GTPBP1: variants seen among roughly 807,000 people sequenced by gnomAD.
GTPBP1 encodes the protein GTP-binding protein 1.
GTPBP1 carries 23 observed loss-of-function variants against 62.0 expected under a neutral mutation model. The ratio of observed to expected loss-of-function variants is 0.37; its 90% CI spans 0.27 to 0.53. The LOEUF is 0.53. GTPBP1 is among the 20% of genes least tolerant of loss of function. The pLI, the probability that GTPBP1 is intolerant of heterozygous loss-of-function variation, is 0.89. For missense variants in GTPBP1, 640 were observed against 917.3 expected, an observed-to-expected ratio of 0.70 and a Z score of 3.90; for synonymous variants, 344 against 364.4, an observed-to-expected ratio of 0.94 and a Z score of 0.64.
downstream of GTPBP1, chr22:38,738,364 A>G (rs1024157216): frequency 5.1e-6 from 6 of 1,184,480 alleles, no homozygotes; most frequent in African/African-American, 6.1e-5. This position sits in a 1 kb window ranked among gnomAD's most constrained non-coding sequence, Gnocchi z 6.6. Flanking sequence ...GTCAGGCACC[A>G]GAGTGGCCTA....
At chr22:38,725,701 G>A (rs527613099) in intron 6 of GTPBP1, 13 of 342,156 alleles carry the variant, frequency 3.8e-5, no homozygotes, top group Middle Eastern at 8.1e-4. Context: ...GCAAGCATGC[G>A]TGTGTTTTAG....
chr22:38,706,338 C>T (rs1051602811), intron 1 of GTPBP1, among the ~76,000 whole-genome samples, 191 bp downstream of exon 1: 1 of 152,184 alleles, frequency 6.6e-6, no homozygotes, highest in Non-Finnish European at 1.5e-5. Flanking sequence ...TCCCCATGGT[C>T]CCCGCACCCA....
chr22:38,737,698 G>T, downstream of GTPBP1: 1 of 357,204 alleles, frequency 2.8e-6, no homozygotes, highest in Admixed American at 3.8e-5. This position sits in a 1 kb window ranked among gnomAD's most constrained non-coding sequence, Gnocchi z 4.1. Flanking sequence ...CAGGCTCCTG[G>T]GTCCTGTCAG....
Position 38,727,393 on chromosome 22 carries a change from C to G in GTPBP1, c.1537+45C>G. On this transcript the variant is annotated intron_variant, in intron 9 of 11. Transcript: ENST00000216044. The surrounding 1 kb of genome is among the most constrained non-coding windows in gnomAD (Gnocchi z 6.5). Reference sequence around the variant, plus strand: ...CCAGCCCAGGAGGCCGTCGTGTTAGCTCCCCTCAGAAGGTGTTCCAGCAAC... The same window carrying G: ...CCAGCCCAGGAGGCCGTCGTGTTAGGTCCCCTCAGAAGGTGTTCCAGCAAC... The G allele has an allele frequency of 6.7e-7, 1 of 1,487,060 alleles. No individual in the cohort carries two copies. Among genetic ancestry groups the G allele is most frequent in the Non-Finnish European group, 9.0e-7 (1 of 1,113,880 alleles). The allele number at this position is 1,487,060 out of a possible 1,614,324, so 92.1% of individuals were successfully genotyped here. A position where few individuals can be genotyped will look rare whatever the true frequency, so the allele number is the denominator to read the frequency against.
chr22:38,739,272 TG>T, downstream of GTPBP1: 1 of 1,530,984 alleles, frequency 6.5e-7, no homozygotes. This position sits in a 1 kb window ranked among gnomAD's most constrained non-coding sequence, Gnocchi z 6.7. Context: ...ACCACCAACC[TG>T]GTAGATGCCA....
chr22:38,738,460 GCTC>G, downstream of GTPBP1: 1 of 1,329,132 alleles, frequency 7.5e-7, no homozygotes, highest in South Asian at 1.3e-5. This position sits in a 1 kb window ranked among gnomAD's most constrained non-coding sequence, Gnocchi z 6.6. Flanking sequence ...TCCCACCCTA[GCTC>G]CTCCTCTTCC....
intron 5 of GTPBP1, chr22:38,722,805 T>C: frequency 6.3e-7 from 1 of 1,595,922 alleles, no homozygotes. Context: ...TGTAGGAGAA[T>C]CCAGTGTCCA....
downstream of GTPBP1, chr22:38,738,517 G>T (rs2092826791): frequency 6.4e-7 from 1 of 1,560,650 alleles, no homozygotes; most frequent in Admixed American, 1.8e-5. This position sits in a 1 kb window ranked among gnomAD's most constrained non-coding sequence, Gnocchi z 6.6. Context: ...ACCCTGACTT[G>T]ATCCTCAGTA....
chr22:38,737,032 A>C (rs1444796468), downstream of GTPBP1, among the ~76,000 whole-genome samples: 1 of 152,158 alleles, frequency 6.6e-6, no homozygotes, highest in Non-Finnish European at 1.5e-5. This position sits in a 1 kb window ranked among gnomAD's most constrained non-coding sequence, Gnocchi z 4.1. Flanking sequence ...TTTTTTGTAG[A>C]GTCGGGATCT....
At position 38,730,597 on chromosome 22, in the gene GTPBP1, TTC is replaced by T. The variant is rs1234949198; in HGVS notation, c.1918-7_1918-6del. On this transcript the variant is annotated splice_polypyrimidine_tract_variant and intron_variant, in intron 11 of 11. Transcript: ENST00000216044. The surrounding 1 kb of genome is among the most constrained non-coding windows in gnomAD (Gnocchi z 5.6). ...GATGGGCCAGTGCTTCTCAAGCTCC[TTC>T]TCTCTCTTTCAGCCTAAGCCCAGCA... 2.5e-6 allele frequency: 4 copies of T among 1,571,802 alleles called. No homozygotes were observed. In the South Asian group the frequency reaches 3.3e-5, roughly 13 times the overall value.
At chr22:38,707,133 G>C (rs1253996055) in intron 1 of GTPBP1, among the ~76,000 whole-genome samples, 2 of 152,176 alleles carry the variant, frequency 1.3e-5, no homozygotes, top group East Asian at 3.8e-4. Context: ...ACACCTAATA[G>C]TGCCTGATGC....
chr22:38,724,254 G>A (rs1400495740), intron 5 of GTPBP1, 43 bp from the exon 6 acceptor site: 3 of 1,172,396 alleles, frequency 2.6e-6, no homozygotes, highest in South Asian at 2.4e-5. Flanking sequence ...TGGCCAAAGA[G>A]AAGGCTGTGT....
intron 10 of GTPBP1, chr22:38,728,536 A>ATGGGCGTGAG: frequency 4.0e-6 from 1 of 249,018 alleles, no homozygotes; most frequent in Non-Finnish European, 8.1e-6. Flanking sequence ...GCAGGGGGTT[A>ATGGGCGTGAG]TGGGCGTGAG....
chr22:38,742,494 G>T (rs774020383), downstream of GTPBP1: 1 of 1,613,566 alleles, frequency 6.2e-7, no homozygotes, highest in African/African-American at 1.3e-5. Context: ...GGAAAATTCA[G>T]CAGCAAGAGC....
intron 5 of GTPBP1, chr22:38,723,238 G>A (rs941335251): frequency 4.8e-6 from 5 of 1,048,066 alleles, no homozygotes; most frequent in Non-Finnish European, 6.0e-6. Context: ...TCCCCTTAAA[G>A]TCATCAAGGC....
At chr22:38,715,783 G>A (rs1323609027) in intron 2 of GTPBP1, 124 bp from the exon 3 acceptor site, 1 of 725,860 alleles carries the variant, frequency 1.4e-6, no homozygotes. Flanking sequence ...GAGGACCCCT[G>A]TTCCTCTGCA....
chr22:38,742,707 G>T, downstream of GTPBP1: 2 of 1,024,568 alleles, frequency 2.0e-6, no homozygotes, highest in Non-Finnish European at 2.7e-6. Flanking sequence ...GGAGCTCGTG[G>T]GCAGGGGCTG....
downstream of GTPBP1, chr22:38,738,287 G>A: frequency 6.2e-7 from 1 of 1,603,220 alleles, no homozygotes; most frequent in South Asian, 1.1e-5. The surrounding 1 kb of genome is among the most constrained non-coding windows in gnomAD (Gnocchi z 6.6). Context: ...GCGGAGGGAA[G>A]TGGGGAGGGG....
chr22:38,739,944 C>T (rs771616561), downstream of GTPBP1: 80 of 1,609,366 alleles, frequency 5.0e-5, no homozygotes, highest in Non-Finnish European at 1.7e-6. This position sits in a 1 kb window ranked among gnomAD's most constrained non-coding sequence, Gnocchi z 6.7. Context: ...GAGATTCCAC[C>T]TATAGGAACC....
Sources: allele counts gnomAD v4.1 joint callset (sites outside exome capture counted in the v4.1 genomes callset), GRCh38; gene constraint gnomAD v4.1.1; non-coding constraint Gnocchi (gnomAD v3.1); transcripts MANE v1.5; gene names NCBI Gene and HGNC (gene_info 2026-07-23, HGNC 2026-07-21).